CACNA1E: variants seen among roughly 807,000 people sequenced by gnomAD.
CACNA1E encodes the protein voltage-dependent R-type calcium channel subunit alpha-1E.
A neutral mutation model predicts 259.2 loss-of-function variants in CACNA1E; 40 were observed. The ratio of observed to expected loss-of-function variants is 0.15; its 90% confidence interval spans 0.12 to 0.20. CACNA1E has a LOEUF of 0.20. CACNA1E is among the 10% of genes least tolerant of loss of function. The pLI is 1.00. For synonymous variants in CACNA1E, 1,104 were observed against 1,138.5 expected (o/e 0.97, Z 0.61); for missense variants, 1,874 against 3,040.1 (o/e 0.62, Z 9.02).
Position 181,525,971 on chromosome 1 carries a change from C to T in CACNA1E, c.512+14461C>T, listed in dbSNP as rs139751786. 2.6e-3 allele frequency among the ~76,000 whole-genome samples: 390 copies of T among 152,184 alleles called. 2 individuals are homozygous for T. Among genetic ancestry groups the T allele is most frequent in the Non-Finnish European group, 4.3e-3 (294 of 68,004 alleles). On this transcript the variant is annotated intron_variant, in intron 3 of 47. Transcript: ENST00000367573. ...AAAGGAGTTTCAGAAAGCAGTTGCC[C>T]AAATTTTTCAGCCTCCTTGATATTT...
intron 2 of CACNA1E, among the ~76,000 whole-genome samples, chr1:181,510,814 G>A (rs1239370712): frequency 6.6e-6 from 1 of 152,212 alleles, no homozygotes; most frequent in East Asian, 1.9e-4. Context: ...GGCAGGCACA[G>A]GCCCATTTTC....
At chr1:181,550,430 C>T (rs1558116433) in intron 3 of CACNA1E, among the ~76,000 whole-genome samples, 2 of 152,168 alleles carry the variant, frequency 1.3e-5, no homozygotes, top group South Asian at 2.1e-4. Flanking sequence ...AAACCATAGA[C>T]ATGGGTCAGA....
chr1:181,350,670 A>G lies in CACNA1E; in HGVS notation c.-15+32547A>G, dbSNP rs540251014. ...TCTAGTCAGCACTCCTACAGGAGGCATTTCCACCCAGACTGGGGCTCTGTT... is the reference window on the plus strand; with the variant it reads ...TCTAGTCAGCACTCCTACAGGAGGCGTTTCCACCCAGACTGGGGCTCTGTT... On this transcript the variant is annotated intron_variant, in intron 1 of 11. Coordinates refer to the CACNA1E transcript ENST00000524607. Among the ~76,000 whole-genome samples the G allele has an allele frequency of 4.6e-5, 7 of 152,248 alleles. No individual in the cohort carries two copies. The South Asian group carries it at 1.5e-3, about 32-fold the overall frequency.
intron 7 of CACNA1E, among the ~76,000 whole-genome samples, chr1:181,662,727 C>T (rs774939373): frequency 7.2e-5 from 11 of 152,198 alleles, no homozygotes; most frequent in Middle Eastern, 3.4e-3. Flanking sequence ...GGGAAAGAGC[C>T]ATTCTTACCT....
intron 1 of CACNA1E, among the ~76,000 whole-genome samples, chr1:181,373,543 T>C (rs1277952485): frequency 2.7e-5 from 4 of 145,914 alleles, no homozygotes; most frequent in African/African-American, 1.0e-4. Flanking sequence ...CTTTCTTTTT[T>C]TTTTTTTTTT....
intron 3 of CACNA1E, among the ~76,000 whole-genome samples, chr1:181,522,526 G>A (rs1327658976): frequency 6.6e-6 from 1 of 152,170 alleles, no homozygotes; most frequent in African/African-American, 2.4e-5. Flanking sequence ...GCTTGTTTAT[G>A]GGATGTTTCT....
At chr1:181,355,647 T>G (rs1484091389) in intron 1 of CACNA1E, among the ~76,000 whole-genome samples, 1 of 151,450 alleles carries the variant, frequency 6.6e-6, no homozygotes, top group Non-Finnish European at 1.5e-5. Flanking sequence ...AGACAATGAG[T>G]ACAAAGTACT....
At chr1:181,716,340 G>A (rs1174575735) in intron 10 of CACNA1E, among the ~76,000 whole-genome samples, 6 of 148,648 alleles carry the variant, frequency 4.0e-5, no homozygotes, top group Non-Finnish European at 8.9e-5. Flanking sequence ...TTATTCACAC[G>A]AAACATGGGA....
rs763786563 is a variant in CACNA1E, at chr1:181,763,539, G to A, written c.4815+8G>A. ...TTTGTGCAGTCCTTTAAGGTAAGAG[G>A]TACCAGCAAATCCTCTCTGAGGGTT... On this transcript the variant is annotated splice_region_variant and intron_variant, in intron 34 of 47. Coordinates refer to ENST00000367573, the MANE Select transcript of CACNA1E (RefSeq NM_001205293.3). 3 of 1,549,200 alleles carry A rather than the reference G, an allele frequency of 1.9e-6. No homozygotes were observed. Among genetic ancestry groups the A allele is most frequent in the Non-Finnish European group, 2.6e-6 (3 of 1,135,258 alleles).
chr1:181,597,068 A>G (rs1653248331), intron 6 of CACNA1E, among the ~76,000 whole-genome samples: 1 of 152,118 alleles, frequency 6.6e-6, no homozygotes, highest in Non-Finnish European at 1.5e-5. Context: ...AAGAGATATC[A>G]TGGGGCCTTA....
intron 44 of CACNA1E, 99 bp from the exon 45 acceptor site, chr1:181,793,566 T>C: frequency 7.5e-7 from 1 of 1,333,278 alleles, no homozygotes; most frequent in Non-Finnish European, 1.0e-6. Flanking sequence ...AAGTCTCTCT[T>C]TTGAAAGCCA....
At chr1:181,563,058 T>TA (rs1299075110) in intron 3 of CACNA1E, among the ~76,000 whole-genome samples, 4 of 152,174 alleles carry the variant, frequency 2.6e-5, no homozygotes, top group Non-Finnish European at 5.9e-5. Context: ...ACTCTAAAAA[T>TA]AAAAAGCATT....
At chr1:181,710,822 G>T (rs983313946) in intron 7 of CACNA1E, 132 bp from the exon 8 acceptor site, 14 of 650,136 alleles carry the variant, frequency 2.2e-5, no homozygotes, top group African/African-American at 1.8e-4. Flanking sequence ...TTTGCAGCCT[G>T]GGTCAGGGGA....
In CACNA1E at chr1:181,738,387, T is replaced by C. The variant is rs1440599309; in HGVS notation, c.3573T>C (p.Tyr1191=). 6.2e-7 allele frequency: 1 copy of C among 1,613,904 alleles called. No individual in the cohort carries two copies. The highest frequency in any genetic ancestry group is 2.2e-5 in the East Asian group (1 of 44,876). The part of the protein sequence containing the change: ...ERNKVLRYFD[Y]VFTGVFTFEM... The stretch of plus-strand genomic sequence containing the variant: ...TTCAGGTCCTGAGGTATTTTGACTA[T>C]GTGTTCACGGGCGTGTTCACCTTTG... The change falls in exon 24 of 48, where the codon TAT becomes TAC. Residue 1191 remains tyrosine, a synonymous_variant. Transcript: ENST00000367573.
chr1:181,592,748 A>G (rs1652782795), intron 6 of CACNA1E, among the ~76,000 whole-genome samples: 1 of 152,094 alleles, frequency 6.6e-6, no homozygotes, highest in South Asian at 2.1e-4. Context: ...GACAGCCACT[A>G]AAGTGAAGAC....
chr1:181,646,030 T>C (rs1658235342), intron 6 of CACNA1E, among the ~76,000 whole-genome samples: 1 of 152,154 alleles, frequency 6.6e-6, no homozygotes, highest in Non-Finnish European at 1.5e-5. Context: ...CCTGGCCTCT[T>C]TCCTTCCCCA....
intron 43 of CACNA1E, among the ~76,000 whole-genome samples, chr1:181,789,987 G>C (rs149269065): frequency 5.9e-5 from 9 of 152,162 alleles, no homozygotes; most frequent in African/African-American, 2.2e-4. Context: ...GGACTTAATT[G>C]TTTAGTTTGG....
intron 2 of CACNA1E, among the ~76,000 whole-genome samples, chr1:181,438,941 G>A (rs1180987825): frequency 2.0e-5 from 3 of 152,240 alleles, no homozygotes; most frequent in Non-Finnish European, 4.4e-5. Context: ...TAGATAAAGT[G>A]TGGTGGAGCA....
At chr1:181,680,324 C>T (rs990184336) in intron 7 of CACNA1E, among the ~76,000 whole-genome samples, 2 of 152,046 alleles carry the variant, frequency 1.3e-5, no homozygotes, top group Non-Finnish European at 2.9e-5. Context: ...TGGCTAGGCA[C>T]TTTCAAGGAG....
Sources: allele counts gnomAD v4.1 joint callset (sites outside exome capture counted in the v4.1 genomes callset), GRCh38; gene constraint gnomAD v4.1.1; transcripts MANE v1.5; gene names NCBI Gene and HGNC (gene_info 2026-07-23, HGNC 2026-07-21).